The following ZZZ3 variants were observed in gnomAD, a reference collection of about 807,000 sequenced individuals.
ZZZ3 encodes ZZ-type zinc finger-containing protein 3.
Under a neutral mutation model 95.2 loss-of-function variants are expected in ZZZ3, and 22 were observed. The observed-to-expected ratio is 0.23, with a 90% CI of 0.17 to 0.33. The LOEUF is 0.33. ZZZ3 is among the 10% of genes least tolerant of loss of function. The pLI, the probability that ZZZ3 is intolerant of heterozygous loss-of-function variation, is 1.00. For synonymous variants in ZZZ3, 335 were observed against 358.9 expected (o/e 0.93, Z 0.75); for missense variants, 885 against 1,066.5 (o/e 0.83, Z 2.37).
At chr1:77,657,854 A>AT (rs1442822836) in intron 1 of ZZZ3, among the ~76,000 whole-genome samples, 1 of 152,234 alleles carries the variant, frequency 6.6e-6, no homozygotes, top group Non-Finnish European at 1.5e-5. Context: ...AAGTACAAAT[A>AT]TAGCTTACCC....
At chr1:77,635,821 G>A (rs1162275110) in intron 4 of ZZZ3, among the ~76,000 whole-genome samples, 2 of 152,026 alleles carry the variant, frequency 1.3e-5, no homozygotes, top group Non-Finnish European at 2.9e-5. Flanking sequence ...CAGGAGAATC[G>A]CTTGAACCCA....
At chr1:77,584,254 G>GA (rs35465502) in intron 6 of ZZZ3, among the ~76,000 whole-genome samples, 8 of 151,786 alleles carry the variant, frequency 5.3e-5, no homozygotes, top group African/African-American at 1.7e-4. Flanking sequence ...GGAAAAGCTA[G>GA]AAAAAAAATG....
intron 6 of ZZZ3, among the ~76,000 whole-genome samples, chr1:77,583,106 CA>C (rs200652891): frequency 3.9e-4 from 55 of 139,292 alleles, no homozygotes; most frequent in African/African-American, 1.4e-3. Flanking sequence ...GATTCCATCT[CA>C]AAAAAAAAAG....
At chr1:77,600,058 T>G (rs1172922461) in intron 5 of ZZZ3, among the ~76,000 whole-genome samples, 1 of 152,096 alleles carries the variant, frequency 6.6e-6, no homozygotes, top group Non-Finnish European at 1.5e-5. Flanking sequence ...CTTCCCAGAA[T>G]CTATCCTAAT....
chr1:77,682,422 G>A (rs911089100), intron 1 of ZZZ3, among the ~76,000 whole-genome samples, 163 bp downstream of exon 1: 1 of 152,196 alleles, frequency 6.6e-6, no homozygotes, highest in African/African-American at 2.4e-5. Flanking sequence ...CTGGCTGAGG[G>A]GTGCATATGC....
At chr1:77,599,955 T>A (rs895827243) in intron 5 of ZZZ3, among the ~76,000 whole-genome samples, 2 of 152,152 alleles carry the variant, frequency 1.3e-5, no homozygotes, top group Non-Finnish European at 2.9e-5. Flanking sequence ...GTGTTTCAGA[T>A]GTTATTTTCT....
rs564463411 is a variant in ZZZ3, at chr1:77,675,307, G to T, written c.-403+7278C>A. ...ACGGGAAAGTGTGTAACAACGGCAG[G>T]ATCTATTTTCCTTTAACTTCTGACC... is the stretch of plus-strand genomic sequence containing the variant. On this transcript the variant is annotated intron_variant, in intron 1 of 14. Coordinates refer to ENST00000370801, the MANE Select transcript of ZZZ3 (RefSeq NM_015534.6). Among the ~76,000 whole-genome samples, 11 of 151,994 alleles carry T rather than the reference G, an allele frequency of 7.2e-5. 1 individual carries two copies. Among genetic ancestry groups the T allele is most frequent in the African/African-American group, 2.4e-4 (10 of 41,448 alleles).
chr1:77,678,858 T>C (rs192847789), intron 1 of ZZZ3, among the ~76,000 whole-genome samples: 44 of 152,332 alleles, frequency 2.9e-4, no homozygotes, highest in Non-Finnish European at 5.6e-4. Context: ...ATGTTTCAAA[T>C]GGCTGAGGTC....
At chr1:77,586,821 CATAT>C (rs1006576780) in intron 5 of ZZZ3, among the ~76,000 whole-genome samples, 1 of 152,074 alleles carries the variant, frequency 6.6e-6, no homozygotes, top group Admixed American at 6.5e-5. Flanking sequence ...GTAAGATTAC[CATAT>C]ATATCCATGA....
chr1:77,672,483 T>C (rs1163002593), intron 1 of ZZZ3, among the ~76,000 whole-genome samples: 1 of 152,230 alleles, frequency 6.6e-6, no homozygotes, highest in Non-Finnish European at 1.5e-5. Context: ...GTAGGGTTTT[T>C]GTCTGTTCAT....
chr1:77,567,380 TGA>T (rs1051830413), intron 13 of ZZZ3, among the ~76,000 whole-genome samples: 52 of 152,326 alleles, frequency 3.4e-4, no homozygotes, highest in African/African-American at 1.2e-3. Context: ...GCCAAAATGA[TGA>T]GGGGAAAAGC....
chr1:77,632,774 T>C lies in ZZZ3; in HGVS notation c.581A>G (p.Glu194Gly). The C allele has an allele frequency of 6.2e-7, 1 of 1,614,170 alleles. No homozygotes were observed. Among genetic ancestry groups the C allele is most frequent in the Non-Finnish European group, 8.5e-7 (1 of 1,180,036 alleles). Residue 194 changes from glutamate to glycine, a missense_variant, in exon 5 of 15, where the codon GAA becomes GGA. This residue lies in a region of ZZZ3 where 556 missense variants were observed against 652.9 expected (regional missense o/e 0.85). Coordinates refer to ENST00000370801, the MANE Select transcript of ZZZ3 (RefSeq NM_015534.6). ...EEGPLNSAVV[E>G]EITGYLAVNG... ...GACAGCCAAATAGCCTGTGATTTCTTCAACTACTGCAGAATTAAGTGGCCC... is the reference window on the plus strand; with the variant it reads ...GACAGCCAAATAGCCTGTGATTTCTCCAACTACTGCAGAATTAAGTGGCCC...
chr1:77,580,867 C>A (rs1662441681), intron 9 of ZZZ3, 131 bp downstream of exon 9: 2 of 714,148 alleles, frequency 2.8e-6, no homozygotes, highest in South Asian at 3.5e-5. Context: ...TTCAAGTGAT[C>A]CACCCATATC....
intron 1 of ZZZ3, among the ~76,000 whole-genome samples, chr1:77,658,196 A>AC (rs1421515388): frequency 6.6e-6 from 1 of 151,668 alleles, no homozygotes; most frequent in African/African-American, 2.4e-5. Flanking sequence ...AAAAAAAAAA[A>AC]AAAAAACACA....
At chr1:77,655,179 C>A (rs983432353) in intron 1 of ZZZ3, among the ~76,000 whole-genome samples, 11 of 152,272 alleles carry the variant, frequency 7.2e-5, no homozygotes, top group Non-Finnish European at 1.3e-4. Flanking sequence ...ACCAATTAAC[C>A]CATTAATCCA....
intron 1 of ZZZ3, among the ~76,000 whole-genome samples, chr1:77,648,916 AG>A (rs1488885144): frequency 6.6e-6 from 1 of 152,138 alleles, no homozygotes; most frequent in African/African-American, 2.4e-5. Context: ...GGATCACTTG[AG>A]GTCAGGAGAT....
intron 1 of ZZZ3, among the ~76,000 whole-genome samples, chr1:77,643,972 T>C (rs1395971009): frequency 1.3e-5 from 2 of 152,218 alleles, no homozygotes; most frequent in Non-Finnish European, 2.9e-5. Flanking sequence ...ATAGGCACTA[T>C]ACTATGATTT....
rs905815000 is a variant in ZZZ3, at chr1:77,611,245, A to C, written c.1505+20605T>G. ...AAAAATACCTACCAAAAAAAAAAAA[A>C]AAAAACAACCCACATGCAAAAAAAC... On this transcript the variant is annotated intron_variant, in intron 5 of 14. Coordinates refer to ENST00000370801, the MANE Select transcript of ZZZ3 (RefSeq NM_015534.6). Among the ~76,000 whole-genome samples the C allele has an allele frequency of 1.2e-4, 18 of 149,386 alleles. 1 individual carries two copies. Among genetic ancestry groups the C allele is most frequent in the African/African-American group, 4.1e-4 (17 of 41,128 alleles).
intron 1 of ZZZ3, among the ~76,000 whole-genome samples, chr1:77,665,982 C>T (rs575617404): frequency 7.2e-5 from 11 of 152,218 alleles, no homozygotes; most frequent in Admixed American, 5.9e-4. Context: ...CGGAGGGTGC[C>T]GTGAGCCGAG....
Sources: gnomAD v4.1 joint callset for allele counts (sites outside exome capture counted in the v4.1 genomes callset) on GRCh38, gnomAD v4.1.1 for gene constraint, gnomAD v4.1.1 regional missense constraint, MANE v1.5 for transcripts, NCBI Gene and HGNC (gene_info 2026-07-23, HGNC 2026-07-21) for gene names.